XRRA1: variants seen among roughly 807,000 people sequenced by gnomAD.
XRRA1 encodes the protein X-ray radiation resistance associated 1.
A neutral mutation model predicts 80.2 loss-of-function variants in XRRA1; 69 were observed. The ratio of observed to expected loss-of-function variants is 0.86; its 90% CI spans 0.71 to 1.05. The LOEUF (loss-of-function observed/expected upper bound fraction) is 1.05. Among genes scored for constraint, XRRA1 ranks in the 50% least tolerant of loss-of-function variants. The pLI is 0.00. For synonymous variants in XRRA1, 348 were observed against 389.9 expected (o/e 0.89, Z 1.27); for missense variants, 967 against 976.4 (o/e 0.99, Z 0.13).
intron 8 of XRRA1, among the ~76,000 whole-genome samples, chr11:74,909,621 G>A (rs369305629): frequency 6.6e-6 from 1 of 152,158 alleles, no homozygotes; most frequent in Admixed American, 6.5e-5. Flanking sequence ...TGGGTGAGAA[G>A]ACAGATGTCT....
At position 74,851,068 on chromosome 11, in the gene XRRA1, TCCTGCCTTGGAAGC is replaced by T. The variant is rs1175365408; in HGVS notation, c.1380+6_1380+19del. ...GCTGCACTCTTCCTGGGGGTGGGAG[TCCTGCCTTGGAAGC>T]CCTACCTTCCATGATTCCTTCCGAG... On this transcript the variant is annotated splice_donor_region_variant and intron_variant, in intron 14 of 18. Transcript: ENST00000684022. 1 of 1,593,848 alleles carries T rather than the reference TCCTGCCTTGGAAGC, an allele frequency of 6.3e-7. No homozygotes were observed. Among genetic ancestry groups the T allele is most frequent in the Non-Finnish European group, 8.6e-7 (1 of 1,167,632 alleles).
At chr11:74,921,445 C>G in intron 7 of XRRA1, 98 bp from the exon 8 acceptor site, 1 of 1,488,422 alleles carries the variant, frequency 6.7e-7, no homozygotes, top group Non-Finnish European at 9.2e-7. Context: ...GCCCCATCGC[C>G]CACAGGACAA....
At chr11:74,872,516 A>G (rs1370556570) in intron 10 of XRRA1, among the ~76,000 whole-genome samples, 2 of 152,178 alleles carry the variant, frequency 1.3e-5, no homozygotes, top group African/African-American at 4.8e-5. Flanking sequence ...TGCAAAGTCC[A>G]GGATCCCCAA....
At chr11:74,884,033 T>G (rs1310271172) in intron 10 of XRRA1, among the ~76,000 whole-genome samples, 7 of 152,020 alleles carry the variant, frequency 4.6e-5, no homozygotes, top group Non-Finnish European at 8.8e-5. Flanking sequence ...ACCCCATCTT[T>G]ACTAAAAATA....
rs1232222211 is a variant in XRRA1, at chr11:74,863,148, C to T, written c.1004-127G>A. 3 of 852,994 alleles carry T rather than the reference C, an allele frequency of 3.5e-6. No individual in the cohort carries two copies. The African/African-American group carries it at 5.0e-5, about 14-fold the overall frequency. The allele number at this position is 852,994 out of a possible 1,614,324, so 52.8% of individuals were successfully genotyped here. A position where few individuals can be genotyped will look rare whatever the true frequency, so the allele number is the denominator to read the frequency against. ...CTCCTAGAGGGAGTTCTCATTGGTC[C>T]TCAGCCCCAGTGCTAACTAGGAAGA... is the stretch of plus-strand genomic sequence containing the variant. On this transcript the variant is annotated intron_variant, in intron 10 of 18. Coordinates refer to ENST00000684022, the MANE Select transcript of XRRA1 (RefSeq NM_001378157.1).
chr11:74,843,517 G>C, intron 18 of XRRA1, 64 bp from the exon 19 acceptor site: 2 of 1,559,422 alleles, frequency 1.3e-6, no homozygotes, highest in South Asian at 1.2e-5. Context: ...CCAGAAGCAA[G>C]AGGATTGGGT....
At chr11:74,881,053 A>G (rs1468692360) in intron 10 of XRRA1, among the ~76,000 whole-genome samples, 4 of 145,750 alleles carry the variant, frequency 2.7e-5, no homozygotes, top group African/African-American at 1.0e-4. Context: ...TCTAATGTTG[A>G]CAGTGGGGTG....
chr11:74,897,389 C>T (rs2052575966), intron 10 of XRRA1, among the ~76,000 whole-genome samples: 1 of 151,812 alleles, frequency 6.6e-6, no homozygotes, highest in South Asian at 2.1e-4. Flanking sequence ...TTAAAAAGCA[C>T]AAATCTAATG....
chr11:74,883,794 C>T (rs2048336145), intron 10 of XRRA1, among the ~76,000 whole-genome samples: 1 of 152,122 alleles, frequency 6.6e-6, no homozygotes, highest in African/African-American at 2.4e-5. Context: ...GTTTCCACTC[C>T]TCAGGGGGGA....
chr11:74,887,144 C>G (rs1565325585), intron 10 of XRRA1, among the ~76,000 whole-genome samples: 1 of 152,180 alleles, frequency 6.6e-6, no homozygotes, highest in Admixed American at 6.5e-5. Context: ...AAATACACTT[C>G]TGGACATAGG....
intron 3 of XRRA1, among the ~76,000 whole-genome samples, chr11:74,940,080 T>C (rs1946007503): frequency 6.6e-6 from 1 of 152,146 alleles, no homozygotes; most frequent in African/African-American, 2.4e-5. Flanking sequence ...AGTTACAACA[T>C]CTGGAGTAAA....
chr11:74,869,241 T>C (rs963738196), intron 10 of XRRA1, among the ~76,000 whole-genome samples: 13 of 152,040 alleles, frequency 8.6e-5, no homozygotes, highest in Non-Finnish European at 1.3e-4. Flanking sequence ...CCTGAATGAC[T>C]TTTGGGTAAA....
chr11:74,872,458 G>C (rs111412912), intron 10 of XRRA1, among the ~76,000 whole-genome samples: 2 of 152,306 alleles, frequency 1.3e-5, no homozygotes, highest in African/African-American at 4.8e-5. Flanking sequence ...TGGAGAAAGA[G>C]AGGAAACGCG....
chr11:74,933,755 C>G, intron 5 of XRRA1, 46 bp downstream of exon 5: 2 of 1,540,780 alleles, frequency 1.3e-6, no homozygotes, highest in Non-Finnish European at 1.8e-6. Flanking sequence ...GGTGCGCCAC[C>G]TCAAGTCTGG....
At chr11:74,884,074 C>T (rs1439045355) in intron 10 of XRRA1, among the ~76,000 whole-genome samples, 2 of 152,062 alleles carry the variant, frequency 1.3e-5, no homozygotes, top group African/African-American at 4.8e-5. Context: ...TGGGGCACAC[C>T]TGTAATTCCA....
intron 10 of XRRA1, among the ~76,000 whole-genome samples, chr11:74,875,379 G>C (rs1393497240): frequency 6.6e-6 from 1 of 152,218 alleles, no homozygotes; most frequent in Non-Finnish European, 1.5e-5. Flanking sequence ...CTTCTCAAGG[G>C]TATACTTTTC....
At chr11:74,934,019 T>TTAC in intron 4 of XRRA1, 147 bp from the exon 5 acceptor site, 1 of 590,310 alleles carries the variant, frequency 1.7e-6, no homozygotes, top group Admixed American at 2.9e-5. Flanking sequence ...TCATTCATTA[T>TTAC]TCATCCATTC....
At chr11:74,890,003 G>A (rs1304358005) in intron 10 of XRRA1, among the ~76,000 whole-genome samples, 1 of 152,124 alleles carries the variant, frequency 6.6e-6, no homozygotes, top group East Asian at 1.9e-4. Context: ...GAGACAGAAA[G>A]TTAACAAGGA....
chr11:74,876,610 A>G (rs541761870), intron 10 of XRRA1: 1 of 152,162 alleles, frequency 6.6e-6, no homozygotes, highest in South Asian at 2.1e-4. Context: ...AGGGCCCTAC[A>G]CTGTTCTTTC....
Sources: gnomAD v4.1 joint callset for allele counts (sites outside exome capture counted in the v4.1 genomes callset) on GRCh38, gnomAD v4.1.1 for gene constraint, MANE v1.5 for transcripts, NCBI Gene and HGNC (gene_info 2026-07-23, HGNC 2026-07-21) for gene names.